EMID1: variants seen among roughly 807,000 people sequenced by gnomAD.
EMID1 encodes EMI domain-containing protein 1.
Under a neutral mutation model 60.6 loss-of-function variants are expected in EMID1, and 40 were observed. The observed-to-expected ratio is 0.66, with a 90% CI of 0.51 to 0.86. The LOEUF (loss-of-function observed/expected upper bound fraction) is 0.86, where lower values mean the gene tolerates loss of function less well. EMID1 is among the 40% of genes least tolerant of loss of function. EMID1 has a pLI of 0.00. For synonymous variants in EMID1, 242 were observed against 231.0 expected, an observed-to-expected ratio of 1.05 and a Z score of -0.43; for missense variants, 585 against 597.1, an observed-to-expected ratio of 0.98 and a Z score of 0.21.
chr22:29,210,858 A>AGG (rs769824454), intron 1 of EMID1, among the ~76,000 whole-genome samples: 2 of 151,788 alleles, frequency 1.3e-5, no homozygotes, highest in Non-Finnish European at 2.9e-5. Flanking sequence ...TGTGTGTGTG[A>AGG]GGGCAGATGG....
At chr22:29,229,371 C>T (rs556675827) in intron 5 of EMID1, among the ~76,000 whole-genome samples, 9 of 151,364 alleles carry the variant, frequency 5.9e-5, no homozygotes, top group South Asian at 2.1e-4. Flanking sequence ...CCGCTGGGCG[C>T]GGTGGCTCAT....
At chr22:29,249,327 C>T (rs1460907739) in intron 13 of EMID1, among the ~76,000 whole-genome samples, 2 of 151,254 alleles carry the variant, frequency 1.3e-5, no homozygotes, top group Non-Finnish European at 2.9e-5. Flanking sequence ...AGTGCAGTGG[C>T]GTGATCTCAG....
intron 10 of EMID1, 123 bp from the exon 11 acceptor site, chr22:29,234,014 G>T: frequency 9.4e-7 from 1 of 1,058,368 alleles, no homozygotes; most frequent in Non-Finnish European, 1.4e-6. Context: ...TGTGCTGGGT[G>T]TATGGTGAAG....
intron 13 of EMID1, among the ~76,000 whole-genome samples, chr22:29,251,948 T>C (rs2146445517): frequency 6.6e-6 from 1 of 152,220 alleles, no homozygotes; most frequent in South Asian, 2.1e-4. Flanking sequence ...GTGCTGGGAT[T>C]ACAGGACAGC....
Position 29,205,986 on chromosome 22 carries a change from A to G in EMID1, c.-53A>G. The G allele has an allele frequency of 1.8e-6, 2 of 1,105,528 alleles. No homozygotes were observed. Among genetic ancestry groups the G allele is most frequent in the Non-Finnish European group, 2.2e-6 (2 of 894,870 alleles). The allele number at this position is 1,105,528 out of a possible 1,614,324, so 68.5% of individuals were successfully genotyped here. ...GCGCGGGCAGGCAGGCGGGGAGGACAGGCTGGGGGCGGCGACCGCGAGGGG... is the reference window on the plus strand; with the variant it reads ...GCGCGGGCAGGCAGGCGGGGAGGACGGGCTGGGGGCGGCGACCGCGAGGGG... On this transcript the variant is annotated 5_prime_UTR_variant, in exon 1 of 15. Transcript: ENST00000334018.
In EMID1 at chr22:29,214,983, C is replaced by G; in HGVS notation, c.159C>G (p.Thr53=). ...TCTCATGCCATGTGCAGAATGGCAC[C>G]TACCTTCAGCGAGTGCTGCAGAACT... ...RTISCHVQNG[T]YLQRVLQNCP... is the part of the protein sequence containing the mutation. Residue 53 remains threonine (T), a synonymous_variant, in exon 2 of 15, where the codon ACC becomes ACG. Transcript: ENST00000334018. The G allele has an allele frequency of 6.4e-7, 1 of 1,553,762 alleles. No individual in the cohort carries two copies. Among genetic ancestry groups the G allele is most frequent in the South Asian group, 1.2e-5 (1 of 83,986 alleles).
chr22:29,218,956 GC>G (rs1323336499), intron 3 of EMID1, among the ~76,000 whole-genome samples: 3 of 152,152 alleles, frequency 2.0e-5, no homozygotes. Flanking sequence ...GCATCCCCCT[GC>G]CCCAGATCCT....
At chr22:29,248,992 T>C (rs1480718042) in intron 13 of EMID1, among the ~76,000 whole-genome samples, 1 of 152,336 alleles carries the variant, frequency 6.6e-6, no homozygotes, top group South Asian at 2.1e-4. Flanking sequence ...GCCACAATTG[T>C]TCTGTCATTC....
chr22:29,243,146 CT>C (rs66849612), intron 12 of EMID1, among the ~76,000 whole-genome samples: 88,779 of 151,838 alleles, frequency 0.58, 26,103 homozygotes, highest in Middle Eastern at 0.64. Flanking sequence ...TGCTTGAGCT[CT>C]TGTTTTGCCA....
At chr22:29,224,736 A>G (rs1488524991) in intron 3 of EMID1, among the ~76,000 whole-genome samples, 1 of 152,060 alleles carries the variant, frequency 6.6e-6, no homozygotes, top group Non-Finnish European at 1.5e-5. Flanking sequence ...CCAGCCTGGG[A>G]GGTTTAGAGG....
chr22:29,252,624 G>A (rs372707382), intron 13 of EMID1, among the ~76,000 whole-genome samples: 47 of 152,202 alleles, frequency 3.1e-4, no homozygotes, highest in African/African-American at 1.1e-3. Flanking sequence ...CAGATGGGGA[G>A]AAAGAGATGA....
intron 12 of EMID1, among the ~76,000 whole-genome samples, chr22:29,242,782 G>A (rs2146371243): frequency 6.6e-6 from 1 of 152,280 alleles, no homozygotes; most frequent in East Asian, 1.9e-4. Context: ...TCCTGAGATA[G>A]GGTCTTTCTT....
At chr22:29,251,686 A>G (rs1234317267) in intron 13 of EMID1, among the ~76,000 whole-genome samples, 1 of 151,438 alleles carries the variant, frequency 6.6e-6, no homozygotes, top group Non-Finnish European at 1.5e-5. Context: ...TTTTTTTGAG[A>G]TGGAGTCTCC....
chr22:29,226,472 C>A lies in EMID1; in HGVS notation c.404-18C>A. 1.2e-6 allele frequency: 2 copies of A among 1,611,060 alleles called. No homozygotes were observed. The highest frequency in any genetic ancestry group is 1.7e-5 in the Admixed American group (1 of 59,674). ...CTAGGACCCTTGGCCCTGGCCCCAG[C>A]TTCCTCCCTCCCCGCAGGTTGTCTC... On this transcript the variant is annotated intron_variant, in intron 4 of 14. Transcript: ENST00000334018.
At chr22:29,244,207 C>T (rs1457273585) in intron 13 of EMID1, among the ~76,000 whole-genome samples, 3 of 152,126 alleles carry the variant, frequency 2.0e-5, no homozygotes, top group African/African-American at 7.2e-5. Flanking sequence ...CTCACATATA[C>T]AGGAGACAGA....
chr22:29,209,411 T>C (rs2039799700), intron 1 of EMID1, among the ~76,000 whole-genome samples: 1 of 152,112 alleles, frequency 6.6e-6, no homozygotes, highest in Admixed American at 6.5e-5. Context: ...CATCCAGCTC[T>C]TGGGCAGCTT....
intron 14 of EMID1, among the ~76,000 whole-genome samples, chr22:29,256,723 A>G (rs2041721813): frequency 6.6e-6 from 1 of 151,994 alleles, no homozygotes; most frequent in Non-Finnish European, 1.5e-5. Flanking sequence ...ACTTGTCCCT[A>G]GGGGTTGGAG....
In EMID1 at chr22:29,258,951, T is replaced by C. The variant is rs779310186; in HGVS notation, c.*7T>C. 2 of 1,610,488 alleles carry C rather than the reference T, an allele frequency of 1.2e-6. No individual in the cohort carries two copies. The highest frequency in any genetic ancestry group is 1.1e-5 in the South Asian group (1 of 90,738). Reference sequence around the variant, plus strand: ...CCGGGACGAGAGAGGCTGAGGGTGGTGGCGGCCCCTGAGGCAGACCAGGCC... The same window carrying C: ...CCGGGACGAGAGAGGCTGAGGGTGGCGGCGGCCCCTGAGGCAGACCAGGCC... On this transcript the variant is annotated 3_prime_UTR_variant, in exon 15 of 15. Transcript: ENST00000334018.
At chr22:29,215,741 C>T in intron 3 of EMID1, 111 bp downstream of exon 3, 1 of 802,850 alleles carries the variant, frequency 1.2e-6, no homozygotes, top group Admixed American at 2.1e-5. Flanking sequence ...ACCATGCCTG[C>T]TGGGGCCAGC....
Sources: allele counts gnomAD v4.1 joint callset (sites outside exome capture counted in the v4.1 genomes callset), GRCh38; gene constraint gnomAD v4.1.1; transcripts MANE v1.5; gene names NCBI Gene and HGNC (gene_info 2026-07-23, HGNC 2026-07-21).